Variants in FSD2 observed in about 807,000 individuals in gnomAD.
FSD2 encodes fibronectin type III and SPRY domain-containing protein 2.
Under a neutral mutation model 80.4 loss-of-function variants are expected in FSD2, and 71 were observed. That is an observed-to-expected ratio of 0.88 (90% CI 0.73 to 1.08). FSD2 has a LOEUF of 1.08. Among genes scored for constraint, FSD2 ranks in the 50% least tolerant of loss-of-function variants. The probability of loss-of-function intolerance (pLI) is 0.00; values close to 1 mark genes in which losing one functional copy is unlikely to be tolerated. For missense variants in FSD2, 923 were observed against 913.8 expected, an observed-to-expected ratio of 1.01 and a Z score of -0.13; for synonymous variants, 361 against 329.5, an observed-to-expected ratio of 1.10 and a Z score of -1.03.
At chr15:82,792,492 G>C (rs2050174104) in intron 1 of FSD2, among the ~76,000 whole-genome samples, 1 of 152,144 alleles carries the variant, frequency 6.6e-6, no homozygotes, top group African/African-American at 2.4e-5. Flanking sequence ...AGCTCTAAGA[G>C]TTCTTTGTGT....
intron 12 of FSD2, among the ~76,000 whole-genome samples, chr15:82,760,601 G>C (rs921140796): frequency 6.6e-6 from 1 of 151,098 alleles, no homozygotes; most frequent in African/African-American, 2.4e-5. Flanking sequence ...GCTATGAGTC[G>C]TTTCTTCTAC....
chr15:82,759,335 A>G lies in FSD2; in HGVS notation c.*13T>C. ...GTAGGCATGGAAGACAGGAAACTGG[A>G]CATCAGAATGTTCTAATAGAAAGTG... is the stretch of plus-strand genomic sequence containing the variant. On this transcript the variant is annotated 3_prime_UTR_variant, in exon 13 of 13. Coordinates refer to ENST00000334574, the MANE Select transcript of FSD2 (RefSeq NM_001007122.4). 1 of 1,610,712 alleles carries G rather than the reference A, an allele frequency of 6.2e-7. No homozygotes were observed. Among genetic ancestry groups the G allele is most frequent in the Non-Finnish European group, 8.5e-7 (1 of 1,178,578 alleles).
At chr15:82,783,939 AAATATT>A (rs1452575725) in intron 3 of FSD2, among the ~76,000 whole-genome samples, 2 of 152,188 alleles carry the variant, frequency 1.3e-5, no homozygotes, top group African/African-American at 4.8e-5. Context: ...AGTAGATGAG[AAATATT>A]AATATTAATA....
At position 82,765,194 on chromosome 15, in the gene FSD2, G is replaced by A; in HGVS notation, c.1792C>T (p.Leu598=). Residue 598 remains leucine, a synonymous_variant, in exon 11 of 13, where the codon CTG becomes TTG. Coordinates refer to ENST00000334574, the MANE Select transcript of FSD2 (RefSeq NM_001007122.4). ...GTGAAGTGAGTGTCGCTGGGTGACA[G>A]CTCCCTGGCGGGGGTTCTCCTTTCA... ...RSERRTPARE[L]SPSDTHFTRC... 1 of 1,605,790 alleles carries A rather than the reference G, an allele frequency of 6.2e-7. No individual in the cohort carries two copies. The highest frequency in any genetic ancestry group is 8.5e-7 in the Non-Finnish European group (1 of 1,175,720).
At chr15:82,795,053 C>T (rs966235976) in intron 1 of FSD2, among the ~76,000 whole-genome samples, 1 of 152,052 alleles carries the variant, frequency 6.6e-6, no homozygotes, top group African/African-American at 2.4e-5. Flanking sequence ...ACAGTGTATC[C>T]CTCTTTATCT....
In FSD2 at chr15:82,769,936, C is replaced by T. The variant is rs781091636; in HGVS notation, c.1268-52G>A. 27 of 1,604,488 alleles carry T rather than the reference C, an allele frequency of 1.7e-5. No homozygotes were observed. The Middle Eastern group carries it at 1.3e-3, about 75-fold the overall frequency. On this transcript the variant is annotated intron_variant, in intron 7 of 12. Transcript: ENST00000334574. ...AACCCTAAAAACTGGCCAAGTGGCT[C>T]CAATTCATTATGCCGAATCCCACAG... is the stretch of plus-strand genomic sequence containing the variant.
intron 1 of FSD2, 21 bp from the exon 2 acceptor site, chr15:82,787,489 G>A (rs576115765): frequency 3.6e-5 from 44 of 1,219,280 alleles, no homozygotes; most frequent in Admixed American, 2.7e-4. Context: ...AAAGGAGGAG[G>A]AAAATCATTT....
intron 12 of FSD2, 84 bp downstream of exon 12, chr15:82,762,018 T>A: frequency 8.9e-7 from 1 of 1,125,134 alleles, no homozygotes; most frequent in Non-Finnish European, 1.2e-6. Context: ...ATATAACGTG[T>A]GTCTTAATTA....
intron 1 of FSD2, among the ~76,000 whole-genome samples, chr15:82,797,567 T>C (rs1264853838): frequency 6.6e-6 from 1 of 152,218 alleles, no homozygotes; most frequent in Non-Finnish European, 1.5e-5. Flanking sequence ...TCCCAACACT[T>C]TGGGAGGCCG....
chr15:82,766,067 C>T (rs769155019), intron 9 of FSD2, 36 bp from the exon 10 acceptor site: 1 of 1,531,976 alleles, frequency 6.5e-7, no homozygotes, highest in South Asian at 1.2e-5. Flanking sequence ...CAGAATGGGG[C>T]TAGGACACCC....
intron 1 of FSD2, among the ~76,000 whole-genome samples, chr15:82,797,759 A>G (rs1223274174): frequency 6.6e-6 from 1 of 152,094 alleles, no homozygotes; most frequent in Non-Finnish European, 1.5e-5. Flanking sequence ...GCAGTGAGCC[A>G]AGATCACGCC....
At chr15:82,774,746 G>A (rs1433835284) in intron 6 of FSD2, among the ~76,000 whole-genome samples, 1 of 149,978 alleles carries the variant, frequency 6.7e-6, no homozygotes, top group African/African-American at 2.5e-5. Flanking sequence ...TTTTTGAGAC[G>A]GAGTCTCGCT....
chr15:82,797,946 T>C (rs1321755372), intron 1 of FSD2, among the ~76,000 whole-genome samples: 3 of 152,182 alleles, frequency 2.0e-5, no homozygotes, highest in African/African-American at 7.2e-5. Context: ...AGATGTATGG[T>C]CCCAGGAGAA....
chr15:82,759,862 C>T (rs930961149), intron 12 of FSD2, among the ~76,000 whole-genome samples: 3 of 151,678 alleles, frequency 2.0e-5, no homozygotes, highest in Admixed American at 1.3e-4. Flanking sequence ...GGTGCAATCT[C>T]GGCTCACTGC....
At chr15:82,764,991 C>A (rs2049380242) in intron 11 of FSD2, among the ~76,000 whole-genome samples, 175 bp downstream of exon 11, 1 of 152,034 alleles carries the variant, frequency 6.6e-6, no homozygotes, top group African/African-American at 2.4e-5. Flanking sequence ...ACCTGCCTGA[C>A]CCCTCTTGCC....
At chr15:82,795,320 A>T (rs1475427422) in intron 1 of FSD2, among the ~76,000 whole-genome samples, 1 of 152,162 alleles carries the variant, frequency 6.6e-6, no homozygotes, top group Non-Finnish European at 1.5e-5. Flanking sequence ...AGCTCAAGCT[A>T]TGATTTTTTT....
intron 11 of FSD2, among the ~76,000 whole-genome samples, chr15:82,764,444 C>A (rs978590873): frequency 3.4e-5 from 5 of 148,098 alleles, no homozygotes; most frequent in Admixed American, 2.7e-4. Flanking sequence ...GTGGAGTGTG[C>A]TTTCGTTTTC....
At chr15:82,771,012 C>T (rs994322996) in intron 7 of FSD2, among the ~76,000 whole-genome samples, 3 of 152,012 alleles carry the variant, frequency 2.0e-5, no homozygotes, top group African/African-American at 7.3e-5. Flanking sequence ...CAAAGCTCCT[C>T]GCCCCTCTCC....
At position 82,759,302 on chromosome 15, in the gene FSD2, C is replaced by G; in HGVS notation, c.*46G>C. On this transcript the variant is annotated 3_prime_UTR_variant, in exon 13 of 13. Transcript: ENST00000334574. The stretch of plus-strand genomic sequence containing the variant: ...CAGCCAGCTAAGGCGTGAGCAGCTG[C>G]GAGAGGGGTAGGCATGGAAGACAGG... 6.3e-7 allele frequency: 1 copy of G among 1,593,882 alleles called. No homozygotes were observed. Among genetic ancestry groups the G allele is most frequent in the Non-Finnish European group, 8.5e-7 (1 of 1,171,252 alleles).
Sources: gnomAD v4.1 joint callset for allele counts (sites outside exome capture counted in the v4.1 genomes callset) on GRCh38, gnomAD v4.1.1 for gene constraint, MANE v1.5 for transcripts, NCBI Gene and HGNC (gene_info 2026-07-23, HGNC 2026-07-21) for gene names.